The following GMPR variants were observed in gnomAD, a reference collection of about 807,000 sequenced individuals.
GMPR encodes the protein GMP reductase 1.
Under a neutral mutation model 38.4 loss-of-function variants are expected in GMPR, and 31 were observed. That is an observed-to-expected ratio of 0.81 (90% CI 0.61 to 1.09). The LOEUF (loss-of-function observed/expected upper bound fraction) is 1.09, where lower values mean the gene tolerates loss of function less well. GMPR is among the 50% of genes least tolerant of loss of function. The probability of loss-of-function intolerance (pLI) is 0.00; values close to 1 mark genes in which losing one functional copy is unlikely to be tolerated. For missense variants in GMPR, 468 were observed against 453.7 expected (o/e 1.03, Z -0.29); for synonymous variants, 162 against 173.3 (o/e 0.93, Z 0.51).
intron 1 of GMPR, among the ~76,000 whole-genome samples, chr6:16,245,687 A>G (rs146578958): frequency 6.6e-6 from 1 of 152,202 alleles, no homozygotes; most frequent in Non-Finnish European, 1.5e-5. Flanking sequence ...TTCTGACACA[A>G]CTGAGGATAT....
chr6:16,276,459 C>CCA (rs1283874998), intron 5 of GMPR, among the ~76,000 whole-genome samples: 1 of 152,164 alleles, frequency 6.6e-6, no homozygotes, highest in African/African-American at 2.4e-5. Context: ...GTGTGAGCCA[C>CCA]CACACCCGGC....
intron 4 of GMPR, among the ~76,000 whole-genome samples, chr6:16,259,921 C>T (rs1333742040): frequency 4.0e-5 from 6 of 151,424 alleles, no homozygotes; most frequent in Admixed American, 2.0e-4. Flanking sequence ...GCAGTGTAAA[C>T]AAGAGCAGGG....
chr6:16,258,748 G>A (rs1581651779), intron 4 of GMPR, among the ~76,000 whole-genome samples: 2 of 152,310 alleles, frequency 1.3e-5, no homozygotes, highest in South Asian at 2.1e-4. Flanking sequence ...GGTTTTTGGT[G>A]TTTTTGAAAC....
intron 3 of GMPR, among the ~76,000 whole-genome samples, chr6:16,253,302 T>G (rs1758910273): frequency 6.6e-6 from 1 of 152,244 alleles, no homozygotes; most frequent in Non-Finnish European, 1.5e-5. Context: ...TGTATTAGGT[T>G]GTTCTTGCAT....
chr6:16,250,532 T>C (rs1165752990), intron 3 of GMPR, among the ~76,000 whole-genome samples, 165 bp downstream of exon 3: 1 of 152,254 alleles, frequency 6.6e-6, no homozygotes, highest in Non-Finnish European at 1.5e-5. Flanking sequence ...GTTTCCATAT[T>C]GTATTATTAA....
chr6:16,258,656 T>G (rs1759024296), intron 4 of GMPR, among the ~76,000 whole-genome samples: 1 of 152,242 alleles, frequency 6.6e-6, no homozygotes, highest in South Asian at 2.1e-4. Flanking sequence ...AAGGTAGGTG[T>G]TTATTCTTAA....
At chr6:16,266,155 TTGCCATCTTTAAGAGCTGTAAC>T (rs1759212716) in intron 4 of GMPR, among the ~76,000 whole-genome samples, 7 of 122,106 alleles carry the variant, frequency 5.7e-5, no homozygotes, top group Admixed American at 1.5e-4. Context: ...GCTGTAACAC[TTGCCATCTTTAAGAGCTGTAAC>T]ACTTGCCATC....
At chr6:16,285,020 AAAAAAAAAAAAAC>A (rs1412433101) in intron 6 of GMPR, among the ~76,000 whole-genome samples, 22 of 123,386 alleles carry the variant, frequency 1.8e-4, no homozygotes, top group African/African-American at 6.3e-4. Context: ...ACTGTCTCAA[AAAAAAAAAAAAAC>A]AAAAAAAAAA....
chr6:16,291,256 C>A (rs754651575), intron 8 of GMPR, among the ~76,000 whole-genome samples: 2 of 151,994 alleles, frequency 1.3e-5, no homozygotes, highest in Non-Finnish European at 2.9e-5. Flanking sequence ...TGGAGTCGTG[C>A]TCTGTCGCCC....
At chr6:16,262,083 A>G (rs1290366982) in intron 4 of GMPR, 3 of 151,838 alleles carry the variant, frequency 2.0e-5, no homozygotes, top group Non-Finnish European at 4.4e-5. Context: ...GTCAATACCT[A>G]TAACAGTTAT....
chr6:16,250,415 A>G (rs578036079), intron 3 of GMPR, 48 bp downstream of exon 3: 3 of 1,038,096 alleles, frequency 2.9e-6, no homozygotes, highest in South Asian at 2.5e-5. Context: ...AGGGGGGAAC[A>G]AAATCTTCAG....
chr6:16,258,439 G>C (rs530085818), intron 4 of GMPR, among the ~76,000 whole-genome samples: 1 of 152,216 alleles, frequency 6.6e-6, no homozygotes, highest in Non-Finnish European at 1.5e-5. Context: ...TGGGTAAGAC[G>C]AGGGAAAGGG....
chr6:16,276,562 G>A (rs113222597), intron 5 of GMPR, among the ~76,000 whole-genome samples: 5,153 of 152,262 alleles, frequency 0.034, 122 homozygotes, highest in Middle Eastern at 0.075. Context: ...TTCCCCAGAA[G>A]CTGTATTGTC....
At chr6:16,240,147 G>A (rs1351175932) in intron 1 of GMPR, among the ~76,000 whole-genome samples, 1 of 152,216 alleles carries the variant, frequency 6.6e-6, no homozygotes, top group Non-Finnish European at 1.5e-5. Flanking sequence ...ATTTAGAAGA[G>A]AGAAACTCAT....
intron 5 of GMPR, among the ~76,000 whole-genome samples, chr6:16,276,342 TG>T (rs1421651441): frequency 6.6e-6 from 1 of 152,050 alleles, no homozygotes; most frequent in Admixed American, 6.5e-5. Context: ...GCTAATTTTT[TG>T]TACTTTTAGT....
At position 16,250,345 on chromosome 6, in the gene GMPR, C is replaced by G. The variant is rs138048670; in HGVS notation, c.269C>G (p.Thr90Arg). The G allele has an allele frequency of 4.1e-4, 651 of 1,605,410 alleles. No individual in the cohort carries two copies. Among genetic ancestry groups the G allele is most frequent in the Non-Finnish European group, 5.4e-4 (629 of 1,171,994 alleles). Residue 90 changes from threonine to arginine, a missense_variant, in exon 3 of 9, where the codon ACA becomes AGA. Transcript: ENST00000259727. ...YSLDDWKLFA[T>R]NHPECLQNVA... ...CTGGATGACTGGAAGCTCTTTGCCACAAATCACCCAGAATGCCTGCAGGTA... is the reference window on the plus strand; with the variant it reads ...CTGGATGACTGGAAGCTCTTTGCCAGAAATCACCCAGAATGCCTGCAGGTA...
At chr6:16,284,194 C>A (rs1339831681) in intron 6 of GMPR, among the ~76,000 whole-genome samples, 1 of 152,198 alleles carries the variant, frequency 6.6e-6, no homozygotes, top group African/African-American at 2.4e-5. Context: ...AAAGGTCCAG[C>A]CTTCACACTT....
At chr6:16,263,886 C>T (rs572421846) in intron 4 of GMPR, among the ~76,000 whole-genome samples, 6 of 151,084 alleles carry the variant, frequency 4.0e-5, no homozygotes, top group Admixed American at 2.0e-4. Context: ...GGTTGGGGTA[C>T]ATGCCCCTCC....
At chr6:16,266,814 C>T (rs1173193615) in intron 4 of GMPR, among the ~76,000 whole-genome samples, 1 of 151,944 alleles carries the variant, frequency 6.6e-6, no homozygotes, top group African/African-American at 2.4e-5. Flanking sequence ...AAAAAAAGAG[C>T]TGTAACACTC....
Sources: allele counts gnomAD v4.1 joint callset (sites outside exome capture counted in the v4.1 genomes callset), GRCh38; gene constraint gnomAD v4.1.1; transcripts MANE v1.5; gene names NCBI Gene and HGNC (gene_info 2026-07-23, HGNC 2026-07-21).